The following TTC3 variants were observed in gnomAD, a reference collection of about 807,000 sequenced individuals.
TTC3 encodes the protein E3 ubiquitin-protein ligase TTC3.
Under a neutral mutation model 249.6 loss-of-function variants are expected in TTC3, and 180 were observed. The observed-to-expected ratio is 0.72, with a 90% CI of 0.64 to 0.82. TTC3 has a LOEUF of 0.82. Among genes scored for constraint, TTC3 ranks in the 40% least tolerant of loss-of-function variants. TTC3 has a pLI of 0.00. For synonymous variants in TTC3, 717 were observed against 805.0 expected (o/e 0.89, Z 1.85); for missense variants, 2,061 against 2,398.4 (o/e 0.86, Z 2.94).
intron 26 of TTC3, among the ~76,000 whole-genome samples, chr21:37,152,379 G>GTTTTTTTTTTTTTTTTTTTTT (rs5843795): frequency 2.2e-5 from 3 of 139,298 alleles, no homozygotes; most frequent in Non-Finnish European, 3.1e-5. Context: ...GAACTAAGTT[G>GTTTTTTTTTTTTTTTTTTTTT]TTTTTTTTTT....
chr21:37,196,273 GT>G (rs2084904855), intron 42 of TTC3, among the ~76,000 whole-genome samples: 1 of 126,388 alleles, frequency 7.9e-6, no homozygotes, highest in Admixed American at 9.5e-5. Context: ...GTCTCACTCT[GT>G]TGCCTAGGCT....
At chr21:37,090,244 C>T in exon 6 of TTC3, 3 of 1,602,016 alleles carry the variant, frequency 1.9e-6, no homozygotes, top group Non-Finnish European at 2.6e-6. Context: ...ATGATTCATT[C>T]CTTATTGGAG....
chr21:37,178,102 G>A (rs745647724), intron 35 of TTC3, among the ~76,000 whole-genome samples: 3 of 152,124 alleles, frequency 2.0e-5, no homozygotes, highest in Admixed American at 6.5e-5. Flanking sequence ...CACCTATAGT[G>A]TTTTCAAGGT....
intron 10 of TTC3, chr21:37,101,261 CTCTT>C (rs2074466542): frequency 6.6e-6 from 1 of 152,128 alleles, no homozygotes; most frequent in Admixed American, 6.5e-5. Flanking sequence ...CTTTAACTAA[CTCTT>C]CTCTTGTTGC....
At chr21:37,124,112 C>CTTTTTTTTTTTTTGTTTT (rs2076853623) in intron 13 of TTC3, among the ~76,000 whole-genome samples, 1 of 61,272 alleles carries the variant, frequency 1.6e-5, no homozygotes, top group Non-Finnish European at 2.8e-5. Context: ...TTGAACTGTT[C>CTTTTTTTTTTTTTGTTTT]TTTTTTTTTT....
At chr21:37,132,232 A>G (rs190591566) in intron 16 of TTC3, among the ~76,000 whole-genome samples, 2 of 152,056 alleles carry the variant, frequency 1.3e-5, no homozygotes, top group South Asian at 2.1e-4. Flanking sequence ...ATGGCTCACC[A>G]TTTACTCACT....
chr21:37,161,125 T>A (rs1424647405), intron 30 of TTC3, among the ~76,000 whole-genome samples: 3 of 151,648 alleles, frequency 2.0e-5, no homozygotes, highest in African/African-American at 7.3e-5. Flanking sequence ...ATTGTCATAA[T>A]GTCCCAAAAA....
chr21:37,117,583 GA>G (rs532106156), intron 11 of TTC3, among the ~76,000 whole-genome samples: 13 of 152,038 alleles, frequency 8.6e-5, no homozygotes, highest in Non-Finnish European at 1.8e-4. Context: ...TATCAATTAA[GA>G]AAAACAGTTA....
intron 1 of TTC3, chr21:37,083,396 G>A (rs1287938843): frequency 1.0e-6 from 1 of 985,342 alleles, no homozygotes; most frequent in Admixed American, 6.1e-5. Flanking sequence ...TATGATCAGA[G>A]TTTTAGAGGA....
intron 1 of TTC3, among the ~76,000 whole-genome samples, chr21:37,080,981 T>A (rs2147618628): frequency 6.6e-6 from 1 of 152,256 alleles, no homozygotes; most frequent in African/African-American, 2.4e-5. Flanking sequence ...ATTTTTATTT[T>A]ACCTTTGTTC....
chr21:37,197,002 T>C (rs1041451265), intron 42 of TTC3, among the ~76,000 whole-genome samples: 8 of 152,190 alleles, frequency 5.3e-5, no homozygotes, highest in Non-Finnish European at 8.8e-5. Flanking sequence ...GCCTCTTGTC[T>C]CAGCTGTGAA....
chr21:37,200,959 A>G (rs1028463068), intron 45 of TTC3, among the ~76,000 whole-genome samples: 5 of 152,304 alleles, frequency 3.3e-5, no homozygotes, highest in Non-Finnish European at 7.4e-5. Context: ...CTCCTTGGGT[A>G]CAGGGTCTTA....
chr21:37,186,118 A>C (rs2148170681), intron 37 of TTC3: 1 of 154,474 alleles, frequency 6.5e-6, no homozygotes, highest in East Asian at 1.9e-4. Flanking sequence ...TCTCCACTGT[A>C]GGCTGGTAGT....
intron 9 of TTC3, 92 bp downstream of exon 9, chr21:37,095,536 G>A (rs931440564): frequency 1.2e-6 from 1 of 855,482 alleles, no homozygotes; most frequent in Non-Finnish European, 1.8e-6. Flanking sequence ...CGGAGAATTG[G>A]AGAGTATCTT....
At chr21:37,114,232 A>G (rs2075927294) in intron 11 of TTC3, among the ~76,000 whole-genome samples, 1 of 152,108 alleles carries the variant, frequency 6.6e-6, no homozygotes, top group Non-Finnish European at 1.5e-5. Context: ...AAAAGAAACT[A>G]CCATCAGAGT....
intron 22 of TTC3, among the ~76,000 whole-genome samples, chr21:37,148,020 C>T (rs2079133471): frequency 1.3e-5 from 2 of 152,154 alleles, no homozygotes; most frequent in African/African-American, 4.8e-5. Context: ...CCACCACGCC[C>T]AGCCTTCCTG....
chr21:37,188,613 G>A lies in TTC3; in HGVS notation c.5024+18G>A. 2 of 1,601,316 alleles carry A rather than the reference G, an allele frequency of 1.2e-6. No individual in the cohort carries two copies. Among genetic ancestry groups the A allele is most frequent in the Non-Finnish European group, 1.7e-6 (2 of 1,168,618 alleles). ...ATTAGCCGGTATTGCAGTTTCGTGGGTGTTCTCAGCACGTCATTTAGAAGA... is the reference window on the plus strand; with the variant it reads ...ATTAGCCGGTATTGCAGTTTCGTGGATGTTCTCAGCACGTCATTTAGAAGA... On this transcript the variant is annotated intron_variant, in intron 39 of 45. Coordinates refer to ENST00000355666, the Ensembl canonical transcript of TTC3.
intron 34 of TTC3, among the ~76,000 whole-genome samples, chr21:37,169,345 G>A (rs541024687): frequency 3.5e-4 from 53 of 152,258 alleles, no homozygotes; most frequent in African/African-American, 1.2e-3. Context: ...CCATTAATAT[G>A]AGAGTGCCTG....
chr21:37,093,628 T>G (rs2073583378), intron 7 of TTC3, among the ~76,000 whole-genome samples: 1 of 152,168 alleles, frequency 6.6e-6, no homozygotes, highest in South Asian at 2.1e-4. Context: ...ACACCATACA[T>G]GCTTGACAGT....
Sources: allele counts gnomAD v4.1 joint callset (sites outside exome capture counted in the v4.1 genomes callset), GRCh38; gene constraint gnomAD v4.1.1; transcripts MANE v1.5; gene names NCBI Gene and HGNC (gene_info 2026-07-23, HGNC 2026-07-21).